The following FHIT variants were observed in gnomAD, a reference collection of about 807,000 sequenced individuals.
FHIT encodes bis(5'-adenosyl)-triphosphatase.
A neutral mutation model predicts 17.9 loss-of-function variants in FHIT; 19 were observed. The observed-to-expected ratio is 1.06, with a 90% CI of 0.74 to 1.56. FHIT has a LOEUF of 1.56. Ranked by LOEUF, FHIT falls within the 40% of genes most tolerant of loss-of-function variation. FHIT has a pLI of 0.00. For synonymous variants in FHIT, 81 were observed against 69.7 expected (o/e 1.16, Z -0.81); for missense variants, 248 against 189.2 (o/e 1.31, Z -1.82).
intron 8 of FHIT, among the ~76,000 whole-genome samples, chr3:59,869,206 T>C (rs1312815197): frequency 6.6e-6 from 1 of 152,206 alleles, no homozygotes; most frequent in Non-Finnish European, 1.5e-5. Flanking sequence ...CAGACCGATT[T>C]TGTGATTAGA....
chr3:60,818,747 C>T (rs1391426028), intron 4 of FHIT, among the ~76,000 whole-genome samples: 2 of 152,148 alleles, frequency 1.3e-5, no homozygotes, highest in African/African-American at 4.8e-5. Flanking sequence ...CCCTCTCTGC[C>T]TCTCTTCTTT....
At chr3:61,139,030 C>CTTT (rs368329092) in intron 2 of FHIT, among the ~76,000 whole-genome samples, 5 of 137,298 alleles carry the variant, frequency 3.6e-5, no homozygotes, top group Admixed American at 1.5e-4. Flanking sequence ...CTATATCAAA[C>CTTT]TTTTTTTTTT....
At chr3:60,494,522 A>G (rs183811365) in intron 5 of FHIT, among the ~76,000 whole-genome samples, 2 of 152,158 alleles carry the variant, frequency 1.3e-5, no homozygotes, top group East Asian at 3.9e-4. Flanking sequence ...ATCATTATTG[A>G]CTACAGTCAC....
At chr3:60,067,727 A>C (rs901135320) in intron 5 of FHIT, among the ~76,000 whole-genome samples, 6 of 152,160 alleles carry the variant, frequency 3.9e-5, no homozygotes, top group African/African-American at 1.4e-4. Context: ...GTATACTGGG[A>C]ATTTCCACGC....
intron 4 of FHIT, among the ~76,000 whole-genome samples, chr3:60,577,344 C>T (rs2037603672): frequency 6.6e-6 from 1 of 152,096 alleles, no homozygotes; most frequent in East Asian, 1.9e-4. Flanking sequence ...AATTTAGCCC[C>T]TTACATTAGG....
chr3:59,832,094 A>G (rs1295805225), intron 8 of FHIT, among the ~76,000 whole-genome samples: 2 of 152,114 alleles, frequency 1.3e-5, no homozygotes, highest in Non-Finnish European at 2.9e-5. Context: ...CACTGTAGGG[A>G]GTTCATGCTG....
rs1368243524 is a variant in FHIT at position 59,936,310 on chromosome 3, G to T, written c.280-13896C>A. ...CATCATATCAGAACATTAATTTGTA[G>T]AGTGATTCCCTCTGGGTGCCTTTCT... On this transcript the variant is annotated intron_variant, in intron 7 of 9. Coordinates refer to ENST00000492590, the MANE Select transcript of FHIT (RefSeq NM_002012.4). 9.9e-5 allele frequency among the ~76,000 whole-genome samples: 15 copies of T among 152,204 alleles called. No homozygotes were observed. In the South Asian group the frequency reaches 2.1e-3, roughly 21 times the overall value.
At chr3:60,773,814 CA>C (rs1263981669) in intron 4 of FHIT, among the ~76,000 whole-genome samples, 1 of 152,254 alleles carries the variant, frequency 6.6e-6, no homozygotes, top group Admixed American at 6.5e-5. Flanking sequence ...AAGTTTAATT[CA>C]TGCCAAACAA....
At chr3:60,490,620 C>A (rs1490062386) in intron 5 of FHIT, among the ~76,000 whole-genome samples, 3 of 151,240 alleles carry the variant, frequency 2.0e-5, no homozygotes, top group Admixed American at 1.3e-4. Context: ...TCCAAAGCAG[C>A]CTCAAAGATT....
At chr3:59,889,847 A>G (rs1004435690) in intron 8 of FHIT, among the ~76,000 whole-genome samples, 3 of 152,208 alleles carry the variant, frequency 2.0e-5, no homozygotes, top group African/African-American at 7.2e-5. Flanking sequence ...ATGAGAGAAC[A>G]TACATTGGCT....
chr3:60,427,915 C>T (rs1702733320), intron 5 of FHIT, among the ~76,000 whole-genome samples: 1 of 152,104 alleles, frequency 6.6e-6, no homozygotes, highest in South Asian at 2.1e-4. Flanking sequence ...TCCATCCTCC[C>T]AATCATTTAG....
intron 3 of FHIT, among the ~76,000 whole-genome samples, chr3:61,000,263 G>A (rs2107601952): frequency 6.6e-6 from 1 of 152,302 alleles, no homozygotes; most frequent in Non-Finnish European, 1.5e-5. Flanking sequence ...CCTAAAGGAG[G>A]ACCTGAGCAG....
intron 4 of FHIT, among the ~76,000 whole-genome samples, chr3:60,624,465 A>G (rs1553680065): frequency 6.6e-6 from 1 of 152,202 alleles, no homozygotes; most frequent in Admixed American, 6.5e-5. Flanking sequence ...AGCAAAATAC[A>G]GGAATCTGAG....
At chr3:60,850,323 T>TTC (rs3046704) in intron 3 of FHIT, among the ~76,000 whole-genome samples, 4,617 of 119,908 alleles carry the variant, frequency 0.039, 122 homozygotes, top group East Asian at 0.11. Context: ...GTGTCTGCAC[T>TTC]TCTCTCTCTC....
chr3:60,258,894 G>A (rs994924701), intron 5 of FHIT, among the ~76,000 whole-genome samples: 2 of 152,098 alleles, frequency 1.3e-5, no homozygotes, highest in African/African-American at 4.8e-5. Context: ...AGATAAGGAT[G>A]TTCCCTTTCT....
intron 4 of FHIT, among the ~76,000 whole-genome samples, chr3:60,662,116 A>C (rs1264967795): frequency 6.6e-6 from 1 of 152,198 alleles, no homozygotes; most frequent in Non-Finnish European, 1.5e-5. Context: ...GTCTTTGCCT[A>C]AGCCAATATC....
At chr3:60,651,353 AT>A (rs1553688235) in intron 4 of FHIT, among the ~76,000 whole-genome samples, 2 of 152,132 alleles carry the variant, frequency 1.3e-5, no homozygotes, top group Non-Finnish European at 2.9e-5. Flanking sequence ...AGTAAAACAT[AT>A]TTTCAAACCT....
intron 5 of FHIT, among the ~76,000 whole-genome samples, chr3:60,456,285 A>T (rs1196942267): frequency 6.6e-6 from 1 of 152,226 alleles, no homozygotes; most frequent in East Asian, 1.9e-4. Context: ...ATCTGAAATG[A>T]TGGTTACCGA....
At chr3:59,845,803 T>TTG (rs1348035323) in intron 8 of FHIT, among the ~76,000 whole-genome samples, 1 of 152,158 alleles carries the variant, frequency 6.6e-6, no homozygotes, top group Non-Finnish European at 1.5e-5. Flanking sequence ...GTTTACTGTT[T>TTG]TGTTCAAGTC....
Sources: allele counts gnomAD v4.1 joint callset (sites outside exome capture counted in the v4.1 genomes callset), GRCh38; gene constraint gnomAD v4.1.1; transcripts MANE v1.5; gene names NCBI Gene and HGNC (gene_info 2026-07-23, HGNC 2026-07-21).